Variants in CNTNAP5 observed in about 807,000 individuals in gnomAD.
CNTNAP5 encodes contactin-associated protein-like 5.
In CNTNAP5, 72 loss-of-function variants were observed where a neutral mutation model predicts 150.2. That is an observed-to-expected ratio of 0.48 (90% CI 0.40 to 0.58). The LOEUF (loss-of-function observed/expected upper bound fraction) is 0.58, where lower values mean the gene tolerates loss of function less well. Among genes scored for constraint, CNTNAP5 ranks in the 20% least tolerant of loss-of-function variants. The probability of loss-of-function intolerance (pLI) is 0.00; values close to 1 mark genes in which losing one functional copy is unlikely to be tolerated. For synonymous variants in CNTNAP5, 672 were observed against 619.8 expected, an observed-to-expected ratio of 1.08 and a Z score of -1.25; for missense variants, 1,636 against 1,626.2, an observed-to-expected ratio of 1.01 and a Z score of -0.10.
chr2:124,882,254 G>T (rs1677978699), intron 21 of CNTNAP5, among the ~76,000 whole-genome samples: 2 of 152,048 alleles, frequency 1.3e-5, no homozygotes, highest in Admixed American at 1.3e-4. Flanking sequence ...TTAGAAAGGA[G>T]CGAGAATGAA....
intron 13 of CNTNAP5, among the ~76,000 whole-genome samples, chr2:124,715,314 C>T (rs1488537722): frequency 5.3e-5 from 8 of 152,238 alleles, no homozygotes; most frequent in Middle Eastern, 3.4e-3. Flanking sequence ...ACCCATTTGA[C>T]GGCTTAGAGT....
chr2:124,666,609 G>T (rs1678706970), intron 13 of CNTNAP5, among the ~76,000 whole-genome samples: 1 of 152,104 alleles, frequency 6.6e-6, no homozygotes. Flanking sequence ...CCTTGGCCAA[G>T]GGGCGAGGGG....
chr2:124,846,755 A>T lies in CNTNAP5; in HGVS notation c.3218-18551A>T, dbSNP rs72963832. Among the ~76,000 whole-genome samples, 746 of 152,266 alleles carry T rather than the reference A, an allele frequency of 4.9e-3. 9 individuals are homozygous for T. The highest frequency in any genetic ancestry group is 0.017 in the African/African-American group (707 of 41,560). ...GGCTAGTGTTAAGATTTTTTCATTC[A>T]TGGGGTTCTCCTTTGATGGGGTGTT... On this transcript the variant is annotated intron_variant, in intron 19 of 23. Coordinates refer to ENST00000682447, the MANE Select transcript of CNTNAP5 (RefSeq NM_001367498.1).
intron 11 of CNTNAP5, among the ~76,000 whole-genome samples, chr2:124,602,535 C>A (rs1373300392): frequency 6.6e-6 from 1 of 151,658 alleles, no homozygotes; most frequent in Admixed American, 6.6e-5. Context: ...GCTCTGTCAC[C>A]CAGGCTGGAG....
intron 1 of CNTNAP5, among the ~76,000 whole-genome samples, chr2:124,126,255 G>C (rs958260499): frequency 6.6e-6 from 1 of 152,120 alleles, no homozygotes; most frequent in African/African-American, 2.4e-5. Flanking sequence ...TCCCACAGAA[G>C]TACAAACTAA....
At chr2:124,073,017 A>G (rs1682347099) in intron 1 of CNTNAP5, among the ~76,000 whole-genome samples, 1 of 152,112 alleles carries the variant, frequency 6.6e-6, no homozygotes, top group Admixed American at 6.5e-5. Context: ...AGACACATAG[A>G]CCAATGGAAC....
At chr2:124,713,722 C>G (rs575806277) in intron 13 of CNTNAP5, among the ~76,000 whole-genome samples, 7 of 152,172 alleles carry the variant, frequency 4.6e-5, no homozygotes, top group African/African-American at 1.7e-4. Context: ...TCACCTCCCT[C>G]TCAAACCAGC....
At chr2:124,437,184 G>T (rs1248669748) in intron 5 of CNTNAP5, among the ~76,000 whole-genome samples, 2 of 152,148 alleles carry the variant, frequency 1.3e-5, no homozygotes, top group East Asian at 3.9e-4. Context: ...GTAGGTACTT[G>T]AGGCAGATTG....
At chr2:124,244,942 G>A (rs1479876701) in intron 3 of CNTNAP5, among the ~76,000 whole-genome samples, 3 of 152,182 alleles carry the variant, frequency 2.0e-5, no homozygotes, top group Admixed American at 1.3e-4. Context: ...GAAACTGGTG[G>A]CAAAATATTT....
chr2:124,580,923 G>C (rs34937267), intron 11 of CNTNAP5, among the ~76,000 whole-genome samples: 2 of 152,298 alleles, frequency 1.3e-5, no homozygotes, highest in Admixed American at 1.3e-4. Context: ...GAGGAGAAGC[G>C]AGGCCTTACA....
chr2:124,914,348 T>G lies in CNTNAP5; in HGVS notation c.*60T>G. The G allele has an allele frequency of 8.3e-7, 1 of 1,200,188 alleles. No individual in the cohort carries two copies. Among genetic ancestry groups the G allele is most frequent in the Non-Finnish European group, 1.2e-6 (1 of 833,574 alleles). 74.3% of individuals were successfully genotyped at this position (1,200,188 alleles called of 1,614,324 possible). ...TTGTTCAATTATCTCCTCCCCCTCT[T>G]CTCTCCTGTCTTTTGATTTGGTCAT... On this transcript the variant is annotated 3_prime_UTR_variant, in exon 24 of 24. Transcript: ENST00000682447.
At chr2:124,362,384 A>G (rs1188883746) in intron 3 of CNTNAP5, among the ~76,000 whole-genome samples, 1 of 152,234 alleles carries the variant, frequency 6.6e-6, no homozygotes, top group East Asian at 1.9e-4. Flanking sequence ...TGAAAGCGAT[A>G]AAGAGGATAT....
chr2:124,846,123 CT>C (rs1011558240), intron 19 of CNTNAP5, among the ~76,000 whole-genome samples: 4 of 151,992 alleles, frequency 2.6e-5, no homozygotes, highest in African/African-American at 7.2e-5. Context: ...CTCCTTTGGA[CT>C]TTTTAATGTA....
chr2:124,751,212 G>GT (rs1223608903), intron 14 of CNTNAP5, among the ~76,000 whole-genome samples: 1 of 151,652 alleles, frequency 6.6e-6, no homozygotes, highest in Non-Finnish European at 1.5e-5. Context: ...TGTACTACAA[G>GT]TAGGGGTTGG....
At position 124,719,925 on chromosome 2, in the gene CNTNAP5, G is replaced by A. The variant is rs1469858100; in HGVS notation, c.2078-27304G>A. Reference sequence around the variant, plus strand: ...CTCAGTGGTCCTAGTCTTGGTAGTAGATGATTTATTTTGCCTAAAACAGAT... The same window carrying A: ...CTCAGTGGTCCTAGTCTTGGTAGTAAATGATTTATTTTGCCTAAAACAGAT... On this transcript the variant is annotated intron_variant, in intron 13 of 23. Coordinates refer to ENST00000682447, the MANE Select transcript of CNTNAP5 (RefSeq NM_001367498.1). Among the ~76,000 whole-genome samples, 3 of 152,112 alleles carry A rather than the reference G, an allele frequency of 2.0e-5. No individual in the cohort carries two copies. The East Asian group carries it at 5.8e-4, about 29-fold the overall frequency.
intron 3 of CNTNAP5, among the ~76,000 whole-genome samples, chr2:124,305,079 A>T (rs1688650838): frequency 6.8e-6 from 1 of 146,708 alleles, no homozygotes; most frequent in Admixed American, 7.0e-5. Context: ...CAGCCTGGGC[A>T]ATATGGTGAA....
rs376121306 is a variant in CNTNAP5 at position 124,504,436 on chromosome 2, G to A, written c.1207G>A (p.Gly403Ser). Residue 403 changes from glycine (G) to serine (S), a missense_variant, in exon 8 of 24, where the codon GGT becomes AGT. By Grantham distance (56) the Gly-to-Ser change is moderately conservative. Transcript: ENST00000682447. The stretch of plus-strand genomic sequence containing the variant: ...CCAGTTTCGAACATGGAACAAGGAT[G>A]GTCTGCTTCTGTCCACAGAGCTGTC... Reference protein sequence around the residue: ...SFQFRTWNKDGLLLSTELSEG... With the variant: ...SFQFRTWNKDSLLLSTELSEG... 3 of 1,613,744 alleles carry A rather than the reference G, an allele frequency of 1.9e-6. No homozygotes were observed. The highest frequency in any genetic ancestry group is 1.7e-6 in the Non-Finnish European group (2 of 1,179,868).
chr2:124,496,797 G>C (rs547902920), intron 7 of CNTNAP5, among the ~76,000 whole-genome samples: 1 of 152,260 alleles, frequency 6.6e-6, no homozygotes, highest in South Asian at 2.1e-4. Flanking sequence ...GTCTCAATGG[G>C]AGCAGACTGT....
chr2:124,148,296 C>T (rs1336742577), intron 1 of CNTNAP5, among the ~76,000 whole-genome samples: 1 of 148,046 alleles, frequency 6.8e-6, no homozygotes, highest in East Asian at 2.0e-4. Context: ...GAGACCCCCT[C>T]TAAAAAAAAA....
Sources: gnomAD v4.1 joint callset for allele counts (sites outside exome capture counted in the v4.1 genomes callset) on GRCh38, gnomAD v4.1.1 for gene constraint, MANE v1.5 for transcripts, NCBI Gene and HGNC (gene_info 2026-07-23, HGNC 2026-07-21) for gene names.